Variants in KIAA1549L observed in about 807,000 individuals in gnomAD.
KIAA1549L encodes KIAA1549 like, also known as UPF0606 protein KIAA1549L.
KIAA1549L carries 88 observed loss-of-function variants against 160.7 expected under a neutral mutation model. The observed-to-expected ratio is 0.55, with a 90% CI of 0.46 to 0.65. The LOEUF (loss-of-function observed/expected upper bound fraction) is 0.65, where lower values mean the gene tolerates loss of function less well. Among genes scored for constraint, KIAA1549L ranks in the 30% least tolerant of loss-of-function variants. KIAA1549L has a pLI of 0.00. For synonymous variants in KIAA1549L, 950 were observed against 976.7 expected (o/e 0.97, Z 0.51); for missense variants, 2,258 against 2,437.5 (o/e 0.93, Z 1.55).
At chr11:33,466,536 C>G (rs1356597524) in intron 1 of KIAA1549L, among the ~76,000 whole-genome samples, 1 of 152,142 alleles carries the variant, frequency 6.6e-6, no homozygotes, top group East Asian at 1.9e-4. Context: ...TAAACTAGTT[C>G]AACCATTGTG....
In KIAA1549L at chr11:33,545,108, A is replaced by G. The variant is rs754597008; in HGVS notation, c.3115A>G (p.Thr1039Ala). 1.9e-5 allele frequency: 30 copies of G among 1,613,922 alleles called. No individual in the cohort carries two copies. Among genetic ancestry groups the G allele is most frequent in the Non-Finnish European group, 2.5e-5 (29 of 1,179,888 alleles). The change falls in exon 3 of 21, where the codon ACT becomes GCT. Residue 1039 changes from threonine to alanine, a missense_variant. Around this residue, in one of 6 missense-constraint regions of KIAA1549L, gnomAD observed 1,359 missense variants for 1,546.6 expected, o/e 0.88. Coordinates refer to ENST00000658780, the MANE Select transcript of KIAA1549L (RefSeq NM_012194.3). ...MDTASGLLST[T>A]YLPRKPQAMH... The stretch of plus-strand genomic sequence containing the variant: ...CACTGCCTCTGGCCTGTTGTCTACA[A>G]CTTACCTCCCCAGGAAACCACAAGC...
intron 13 of KIAA1549L, among the ~76,000 whole-genome samples, 160 bp from the exon 14 acceptor site, chr11:33,606,481 C>T (rs1030409653): frequency 6.6e-6 from 1 of 152,238 alleles, no homozygotes; most frequent in Non-Finnish European, 1.5e-5. Context: ...AAAGGAAAAC[C>T]GCTAGCAGTA....
chr11:33,530,473 A>C (rs1853742733), intron 1 of KIAA1549L, among the ~76,000 whole-genome samples: 1 of 121,438 alleles, frequency 8.2e-6, no homozygotes, highest in Non-Finnish European at 1.7e-5. Context: ...ATATATATAT[A>C]TATATATATA....
At chr11:33,423,483 G>A (rs1851059254) in intron 1 of KIAA1549L, among the ~76,000 whole-genome samples, 1 of 152,238 alleles carries the variant, frequency 6.6e-6, no homozygotes, top group Non-Finnish European at 1.5e-5. Context: ...ATTAATCTGT[G>A]AGGAAAAATT....
intron 1 of KIAA1549L, among the ~76,000 whole-genome samples, chr11:33,467,992 G>T (rs1445608366): frequency 6.6e-6 from 1 of 152,202 alleles, no homozygotes; most frequent in Non-Finnish European, 1.5e-5. Flanking sequence ...TTCCCTGCAT[G>T]TATCTACAGC....
intron 8 of KIAA1549L, among the ~76,000 whole-genome samples, chr11:33,563,307 C>G (rs1854932137): frequency 6.8e-6 from 1 of 147,840 alleles, no homozygotes; most frequent in Non-Finnish European, 1.5e-5. Flanking sequence ...CAAGATCATG[C>G]CACTGCACTC....
At chr11:33,457,016 A>G (rs1046980114) in intron 1 of KIAA1549L, among the ~76,000 whole-genome samples, 1 of 152,210 alleles carries the variant, frequency 6.6e-6, no homozygotes, top group Non-Finnish European at 1.5e-5. Context: ...GTCAAGGATC[A>G]CGGATGAGAA....
At chr11:33,555,906 T>C (rs938376904) in intron 6 of KIAA1549L, among the ~76,000 whole-genome samples, 7 of 152,236 alleles carry the variant, frequency 4.6e-5, no homozygotes, top group Non-Finnish European at 8.8e-5. Context: ...GCAAATCATA[T>C]ATCTGGTAAG....
intron 1 of KIAA1549L, among the ~76,000 whole-genome samples, chr11:33,525,110 G>A (rs1046089608): frequency 6.6e-6 from 1 of 152,158 alleles, no homozygotes; most frequent in Non-Finnish European, 1.5e-5. Context: ...AACAGTGTGT[G>A]GGGACTCAAA....
chr11:33,536,483 A>G (rs1853896706), intron 1 of KIAA1549L, among the ~76,000 whole-genome samples: 1 of 152,310 alleles, frequency 6.6e-6, no homozygotes, highest in East Asian at 1.9e-4. Context: ...GGCTGCTCAC[A>G]GAGTGGGGGC....
chr11:33,551,181 A>G lies in KIAA1549L; in HGVS notation c.3643A>G (p.Thr1215Ala). 1 of 1,613,862 alleles carries G rather than the reference A, an allele frequency of 6.2e-7. No individual in the cohort carries two copies. The highest frequency in any genetic ancestry group is 1.3e-5 in the African/African-American group (1 of 75,014). Residue 1215 changes from threonine (T) to alanine (A), a missense_variant, in exon 5 of 21, where the codon ACC (threonine) becomes GCC (alanine). Thr to Ala is a moderately conservative substitution (Grantham distance 58). Coordinates refer to ENST00000658780, the MANE Select transcript of KIAA1549L (RefSeq NM_012194.3). Reference sequence around the variant, plus strand: ...CGTCACTGCAGACCTGAAGCAACACACCCCACACTTACAGTCTGTGGCAGT... The same window carrying G: ...CGTCACTGCAGACCTGAAGCAACACGCCCCACACTTACAGTCTGTGGCAGT... Reference protein sequence around the residue: ...SNVTADLKQHTPHLQSVAVLA... With the variant: ...SNVTADLKQHAPHLQSVAVLA...
At chr11:33,498,987 G>A (rs1052787432) in intron 1 of KIAA1549L, among the ~76,000 whole-genome samples, 12 of 152,114 alleles carry the variant, frequency 7.9e-5, no homozygotes, top group Admixed American at 5.9e-4. Flanking sequence ...GCAGGTTGTC[G>A]AACCAAAGCT....
intron 1 of KIAA1549L, among the ~76,000 whole-genome samples, chr11:33,388,041 T>C (rs1353754557): frequency 6.6e-6 from 1 of 152,210 alleles, no homozygotes; most frequent in Non-Finnish European, 1.5e-5. Flanking sequence ...ATATATTTTA[T>C]TAAATTCAAG....
intron 1 of KIAA1549L, among the ~76,000 whole-genome samples, chr11:33,392,530 T>G (rs1178411880): frequency 6.6e-6 from 1 of 152,206 alleles, no homozygotes; most frequent in Non-Finnish European, 1.5e-5. Flanking sequence ...TTTTTACAAA[T>G]GTATACACCT....
chr11:33,641,264 G>A (rs373936903), intron 16 of KIAA1549L, among the ~76,000 whole-genome samples: 41 of 152,088 alleles, frequency 2.7e-4, no homozygotes, highest in African/African-American at 7.2e-4. Context: ...GGAAGGTCCC[G>A]GATTGGGGGC....
At chr11:33,385,821 A>G (rs975632113) in intron 1 of KIAA1549L, among the ~76,000 whole-genome samples, 1 of 151,292 alleles carries the variant, frequency 6.6e-6, no homozygotes, top group African/African-American at 2.4e-5. Context: ...TCAATGTTTT[A>G]TAGTTTTCCA....
In KIAA1549L at chr11:33,494,194, A is replaced by G. The variant is rs112364134; in HGVS notation, c.239-47608A>G. Among the ~76,000 whole-genome samples the G allele has an allele frequency of 1.3e-3, 194 of 152,358 alleles. 3 individuals carry two copies. Among genetic ancestry groups the G allele is most frequent in the African/African-American group, 4.5e-3 (187 of 41,588 alleles). Reference sequence around the variant, plus strand: ...CACTGTTGATTTTGTTTTTTGTGACACATGACCCTAATATTGAAATGAAAA... The same window carrying G: ...CACTGTTGATTTTGTTTTTTGTGACGCATGACCCTAATATTGAAATGAAAA... On this transcript the variant is annotated intron_variant, in intron 1 of 20. Coordinates refer to ENST00000658780, the MANE Select transcript of KIAA1549L (RefSeq NM_012194.3).
intron 4 of KIAA1549L, among the ~76,000 whole-genome samples, chr11:33,549,505 T>G (rs1343606714): frequency 1.3e-5 from 2 of 152,238 alleles, no homozygotes; most frequent in African/African-American, 4.8e-5. Flanking sequence ...TGATTTAGTG[T>G]TGTCTTGTGC....
chr11:33,588,326 G>C (rs538144781), intron 11 of KIAA1549L, among the ~76,000 whole-genome samples: 5 of 152,138 alleles, frequency 3.3e-5, no homozygotes, highest in Admixed American at 3.3e-4. Flanking sequence ...GTACAAAAGG[G>C]GTCAACAGGA....
Sources: allele counts gnomAD v4.1 joint callset (sites outside exome capture counted in the v4.1 genomes callset), GRCh38; gene constraint gnomAD v4.1.1; regional missense constraint gnomAD v4.1.1; transcripts MANE v1.5; gene names NCBI Gene and HGNC (gene_info 2026-07-23, HGNC 2026-07-21).